MBD5: variants seen among roughly 807,000 people sequenced by gnomAD.
MBD5 encodes the protein methyl-CpG-binding domain protein 5.
Under a neutral mutation model 117.3 loss-of-function variants are expected in MBD5, and 13 were observed. That is an observed-to-expected ratio of 0.11 (90% confidence interval 0.07 to 0.18). The LOEUF (loss-of-function observed/expected upper bound fraction) is 0.18, where lower values mean the gene tolerates loss of function less well. MBD5 is among the 10% of genes least tolerant of loss of function. MBD5 has a pLI of 1.00. For missense variants in MBD5, 1,879 were observed against 2,093.8 expected, an observed-to-expected ratio of 0.90 and a Z score of 2.00; for synonymous variants, 727 against 766.4, an observed-to-expected ratio of 0.95 and a Z score of 0.85.
chr2:148,052,019 T>C (rs1694721556), intron 1 of MBD5, among the ~76,000 whole-genome samples: 1 of 152,026 alleles, frequency 6.6e-6, no homozygotes, highest in South Asian at 2.1e-4. Context: ...ATTCTTGTTA[T>C]CATTCCTAAT....
At chr2:148,354,554 C>G (rs972124574) in intron 4 of MBD5, among the ~76,000 whole-genome samples, 2 of 152,006 alleles carry the variant, frequency 1.3e-5, no homozygotes, top group African/African-American at 4.8e-5. Flanking sequence ...TTTGCTATTG[C>G]GAATAGTGCT....
intron 3 of MBD5, among the ~76,000 whole-genome samples, chr2:148,262,766 T>G (rs150326564): frequency 6.6e-6 from 1 of 152,296 alleles, no homozygotes; most frequent in South Asian, 2.1e-4. Context: ...TTAAGCCTGA[T>G]TGAAAACTCA....
At chr2:148,240,664 CCCATATAGTA>C (rs2106190764) in intron 3 of MBD5, among the ~76,000 whole-genome samples, 1 of 152,176 alleles carries the variant, frequency 6.6e-6, no homozygotes, top group Non-Finnish European at 1.5e-5. Flanking sequence ...TTGGTCATGT[CCCATATAGTA>C]TTCAGGCAAT....
Position 148,485,804 on chromosome 2 carries a change from T to G in MBD5, c.3607T>G (p.Leu1203Val). ...TCAACTGACTCATCTACAGTCGCTGTTAAACAACAATCAGATGTTTCCTCC... is the reference window on the plus strand; with the variant it reads ...TCAACTGACTCATCTACAGTCGCTGGTAAACAACAATCAGATGTTTCCTCC... The part of the protein sequence containing the change: ...NHQLTHLQSL[L>V]NNNQMFPPNQ... The change falls in exon 10 of 14, where the codon TTA becomes GTA. Residue 1203 changes from leucine (L) to valine (V), a missense_variant. Leu to Val is a conservative substitution (Grantham distance 32). Transcript: ENST00000642680. 6.2e-7 allele frequency: 1 copy of G among 1,614,076 alleles called. No homozygotes were observed. The highest frequency in any genetic ancestry group is 8.5e-7 in the Non-Finnish European group (1 of 1,179,956).
intron 3 of MBD5, among the ~76,000 whole-genome samples, chr2:148,302,936 T>A (rs1701808164): frequency 6.7e-6 from 1 of 150,178 alleles, no homozygotes; most frequent in Non-Finnish European, 1.5e-5. Flanking sequence ...AAAGCGTATA[T>A]GTTTCATTAT....
In MBD5 at chr2:148,472,817, A is replaced by T. The variant is rs1574464944; in HGVS notation, c.2518+2356A>T. Among the ~76,000 whole-genome samples the T allele has an allele frequency of 4.6e-5, 7 of 152,160 alleles. No individual in the cohort carries two copies. The South Asian group carries it at 1.4e-3, about 31-fold the overall frequency. ...TTGCTATAGCTATCTATCGTCAAGTACCTTTTATGTACCAGGTGATTTCCC... is the reference window on the plus strand; with the variant it reads ...TTGCTATAGCTATCTATCGTCAAGTTCCTTTTATGTACCAGGTGATTTCCC... On this transcript the variant is annotated intron_variant, in intron 8 of 13. Coordinates refer to ENST00000642680, the MANE Select transcript of MBD5 (RefSeq NM_001378120.1).
intron 1 of MBD5, chr2:148,028,430 A>G (rs764587033): frequency 9.9e-5 from 15 of 152,080 alleles, no homozygotes; most frequent in Non-Finnish European, 1.6e-4. Context: ...AGAAGTTAGA[A>G]GTAATCCCAA....
At chr2:148,496,653 T>G (rs945040196) in intron 11 of MBD5, among the ~76,000 whole-genome samples, 1 of 152,230 alleles carries the variant, frequency 6.6e-6, no homozygotes, top group Non-Finnish European at 1.5e-5. Flanking sequence ...TAATTCTATC[T>G]ATGTGTTGTG....
At chr2:148,208,859 G>C (rs1433212409) in intron 2 of MBD5, among the ~76,000 whole-genome samples, 1 of 151,982 alleles carries the variant, frequency 6.6e-6, no homozygotes, top group East Asian at 1.9e-4. Flanking sequence ...AATAGAAATA[G>C]TATCATCAAA....
chr2:148,125,339 A>G (rs746777272), intron 1 of MBD5, among the ~76,000 whole-genome samples: 38 of 152,114 alleles, frequency 2.5e-4, no homozygotes, highest in Non-Finnish European at 4.3e-4. Flanking sequence ...TTTAGTAAGC[A>G]TTCTTTGTCT....
At chr2:148,336,264 C>T (rs1470335711) in intron 3 of MBD5, among the ~76,000 whole-genome samples, 1 of 152,134 alleles carries the variant, frequency 6.6e-6, no homozygotes, top group Non-Finnish European at 1.5e-5. Flanking sequence ...TTTCCTGGTA[C>T]CCCCACCAAT....
intron 1 of MBD5, among the ~76,000 whole-genome samples, chr2:148,144,185 C>G (rs963664159): frequency 6.6e-6 from 1 of 151,842 alleles, no homozygotes; most frequent in African/African-American, 2.4e-5. Context: ...ATTTGCATTT[C>G]TCTGATGGCC....
At position 148,353,871 on chromosome 2, in the gene MBD5, A is replaced by G. The variant is rs141478134; in HGVS notation, c.-557+11535A>G. ...TCTGGGATTACAGCTGTTAGCCACC[A>G]TGCCCATCCTTTATTTAGTTTTATC... On this transcript the variant is annotated intron_variant, in intron 4 of 13. Transcript: ENST00000642680. Among the ~76,000 whole-genome samples the G allele has an allele frequency of 4.7e-4, 72 of 152,156 alleles. 2 individuals are homozygous for G. The East Asian group carries it at 0.014, about 29-fold the overall frequency.
At chr2:148,460,840 G>A (rs949717094) in intron 5 of MBD5, among the ~76,000 whole-genome samples, 5 of 152,110 alleles carry the variant, frequency 3.3e-5, no homozygotes, top group African/African-American at 4.8e-5. Flanking sequence ...CTAGGATTCC[G>A]TCCATATACT....
intron 2 of MBD5, among the ~76,000 whole-genome samples, chr2:148,213,041 G>T (rs1699464740): frequency 6.6e-6 from 1 of 152,010 alleles, no homozygotes; most frequent in Non-Finnish European, 1.5e-5. Context: ...ATCAATCTTT[G>T]TACTCGTCTC....
intron 4 of MBD5, among the ~76,000 whole-genome samples, chr2:148,413,019 C>T (rs1200175313): frequency 1.3e-5 from 2 of 152,114 alleles, no homozygotes; most frequent in African/African-American, 2.4e-5. Flanking sequence ...TGAGAATAGA[C>T]ATCCATGTCT....
chr2:148,173,818 T>C (rs1558958457), intron 1 of MBD5, among the ~76,000 whole-genome samples: 1 of 152,216 alleles, frequency 6.6e-6, no homozygotes, highest in Non-Finnish European at 1.5e-5. Context: ...AGATATCCCA[T>C]GTTTATGCAT....
chr2:148,429,222 G>T (rs1705905741), intron 4 of MBD5, among the ~76,000 whole-genome samples: 1 of 152,088 alleles, frequency 6.6e-6, no homozygotes, highest in African/African-American at 2.4e-5. Flanking sequence ...AGACATTTAT[G>T]CAGCCAACAA....
intron 4 of MBD5, among the ~76,000 whole-genome samples, chr2:148,398,272 A>G (rs1704798212): frequency 1.3e-5 from 2 of 152,202 alleles, no homozygotes; most frequent in South Asian, 4.1e-4. Context: ...CCCCACCAAC[A>G]GTGTAAAAGT....
Sources: allele counts gnomAD v4.1 joint callset (sites outside exome capture counted in the v4.1 genomes callset), GRCh38; gene constraint gnomAD v4.1.1; transcripts MANE v1.5; gene names NCBI Gene and HGNC (gene_info 2026-07-23, HGNC 2026-07-21).